Variants in DHRS12 observed in about 807,000 individuals in gnomAD.
DHRS12 encodes dehydrogenase/reductase SDR family member 12.
A neutral mutation model predicts 32.1 loss-of-function variants in DHRS12; 29 were observed. That is an observed-to-expected ratio of 0.90 (90% CI 0.67 to 1.23). The LOEUF is 1.23. DHRS12 is among the 50% of genes most tolerant of loss of function. The pLI is 0.00. For synonymous variants in DHRS12, 150 were observed against 135.9 expected, an observed-to-expected ratio of 1.10 and a Z score of -0.72; for missense variants, 330 against 337.2, an observed-to-expected ratio of 0.98 and a Z score of 0.17.
Position 51,791,148 on chromosome 13 carries a change from A to G in DHRS12, c.219+17T>C, listed in dbSNP as rs750642401. ...GCCAACATGAATTTATTCTCCACTT[A>G]TGTTTACAAAGCTCACCAGAACATG... On this transcript the variant is annotated intron_variant, in intron 3 of 8. Coordinates refer to ENST00000444610, the MANE Select transcript of DHRS12 (RefSeq NM_001377533.1). 2 of 1,517,568 alleles carry G rather than the reference A, an allele frequency of 1.3e-6. No homozygotes were observed. Among genetic ancestry groups the G allele is most frequent in the Non-Finnish European group, 1.8e-6 (2 of 1,121,470 alleles). 94.0% of individuals were successfully genotyped at this position (1,517,568 alleles called of 1,614,324 possible). A position where few individuals can be genotyped will look rare whatever the true frequency, so the allele number is the denominator to read the frequency against.
intron 8 of DHRS12, chr13:51,768,569 G>C: frequency 7.6e-7 from 1 of 1,321,676 alleles, no homozygotes; most frequent in Non-Finnish European, 9.7e-7. Flanking sequence ...CATCCTCCCG[G>C]ATACCCCAGG....
chr13:51,779,405 G>T (rs1954599945), intron 4 of DHRS12, among the ~76,000 whole-genome samples: 2 of 152,314 alleles, frequency 1.3e-5, no homozygotes, highest in South Asian at 4.1e-4. Flanking sequence ...CCTGGGCCAG[G>T]TGCTGCATTT....
At chr13:51,775,885 G>C (rs1954327285) in intron 5 of DHRS12, 1 of 143,480 alleles carries the variant, frequency 7.0e-6, no homozygotes, top group Non-Finnish European at 1.5e-5. Context: ...TCTCCTACAT[G>C]TATTCTACAG....
chr13:51,779,413 T>G (rs545028667), intron 4 of DHRS12, among the ~76,000 whole-genome samples: 4 of 152,268 alleles, frequency 2.6e-5, no homozygotes, highest in African/African-American at 7.2e-5. Context: ...AGGTGCTGCA[T>G]TTGTCCCATG....
chr13:51,769,124 T>C (rs1405664777), intron 8 of DHRS12, 32 bp downstream of exon 8: 2 of 1,548,572 alleles, frequency 1.3e-6, no homozygotes, highest in South Asian at 2.4e-5. Flanking sequence ...TAGCCCTGTG[T>C]CAGCTGCCTT....
intron 1 of DHRS12, among the ~76,000 whole-genome samples, chr13:51,800,740 TGG>T (rs1955716715): frequency 6.6e-6 from 1 of 152,268 alleles, no homozygotes; most frequent in Non-Finnish European, 1.5e-5. Flanking sequence ...TTTATGAGCT[TGG>T]GTTTGGTTTG....
downstream of DHRS12, chr13:51,767,124 T>C (rs534523728): frequency 3.3e-5 from 5 of 152,376 alleles, no homozygotes; most frequent in Admixed American, 6.5e-5. Flanking sequence ...TTAAAACTTG[T>C]GAGGTTCATT....
At chr13:51,799,907 C>T (rs955024062) in intron 1 of DHRS12, among the ~76,000 whole-genome samples, 5 of 152,156 alleles carry the variant, frequency 3.3e-5, no homozygotes, top group African/African-American at 1.2e-4. Context: ...AACATTTTGG[C>T]ATCCAAATTG....
In DHRS12 at chr13:51,799,538, C is replaced by G; in HGVS notation, c.122G>C (p.Ser41Thr). Residue 41 changes from serine to threonine, a missense_variant, in exon 2 of 9, where the codon AGC becomes ACC. Ser to Thr is a moderately conservative substitution (Grantham distance 58). Transcript: ENST00000444610. ...LAKQLPLKSP[S>T]ENIFLHIVDL... ...CACGTGTTAGCAGCTGCTTACCTCG[C>G]TTGGCGATTTCAAGGGCAGTTGCTT... 6.2e-7 allele frequency: 1 copy of G among 1,613,438 alleles called. No individual in the cohort carries two copies. Among genetic ancestry groups the G allele is most frequent in the Non-Finnish European group, 8.5e-7 (1 of 1,179,896 alleles).
intron 7 of DHRS12, chr13:51,770,938 G>A: frequency 7.8e-7 from 1 of 1,279,692 alleles, no homozygotes; most frequent in Non-Finnish European, 9.9e-7. Context: ...AAGCAACCTT[G>A]TTTTCCCTAT....
chr13:51,771,817 A>G lies in DHRS12; in HGVS notation c.559+4T>C, dbSNP rs899616031. On this transcript the variant is annotated splice_donor_region_variant and intron_variant, in intron 7 of 8. Transcript: ENST00000444610. ...TGGCTCAGCAATTAAAGGCTATGAC[A>G]TACCTGGGGTGTCGGCCCAGCCAGG... The G allele has an allele frequency of 1.4e-5, 22 of 1,613,954 alleles. No homozygotes were observed. The highest frequency in any genetic ancestry group is 1.8e-5 in the Non-Finnish European group (21 of 1,179,990).
the DHRS12 span, chr13:51,762,497 T>C: frequency 2.6e-5 from 4 of 152,254 alleles, no homozygotes; most frequent in African/African-American, 9.6e-5. Context: ...TTTGGTGAAA[T>C]GCGTTTAGCA....
In DHRS12 at chr13:51,770,378, G is replaced by A. The variant is rs1447742319; in HGVS notation, c.560-1085C>T. On this transcript the variant is annotated intron_variant, in intron 7 of 8. Coordinates refer to ENST00000444610, the MANE Select transcript of DHRS12 (RefSeq NM_001377533.1). Reference sequence around the variant, plus strand: ...ACATGGTAAACTGCACCTTGACCCAGATGATAGAGCCCGCTGGTGGGCTTG... The same window carrying A: ...ACATGGTAAACTGCACCTTGACCCAAATGATAGAGCCCGCTGGTGGGCTTG... Among the ~76,000 whole-genome samples the A allele has an allele frequency of 3.9e-5, 6 of 152,196 alleles. No homozygotes were observed. The South Asian group carries it at 6.2e-4, about 16-fold the overall frequency.
In DHRS12 at chr13:51,768,007, GA is replaced by G; in HGVS notation, c.*179del. 7.1e-7 allele frequency: 1 copy of G among 1,415,016 alleles called. No individual in the cohort carries two copies. The highest frequency in any genetic ancestry group is 9.2e-7 in the Non-Finnish European group (1 of 1,088,562). The allele number at this position is 1,415,016 out of a possible 1,614,324, so 87.7% of individuals were successfully genotyped here. ...TGCTGCAGGAGTTCAAGGTGAGCCTGATCACAGCCTCGGTAGTATTTATTTT... is the reference window on the plus strand; with the variant it reads ...TGCTGCAGGAGTTCAAGGTGAGCCTGTCACAGCCTCGGTAGTATTTATTTT... On this transcript the variant is annotated 3_prime_UTR_variant, in exon 9 of 9. Coordinates refer to ENST00000444610, the MANE Select transcript of DHRS12 (RefSeq NM_001377533.1).
chr13:51,792,361 G>A (rs1955313706), intron 2 of DHRS12, among the ~76,000 whole-genome samples: 1 of 152,104 alleles, frequency 6.6e-6, no homozygotes, highest in Admixed American at 6.6e-5. Flanking sequence ...GACATTGAAA[G>A]TATTTTTTCA....
intron 2 of DHRS12, among the ~76,000 whole-genome samples, chr13:51,796,823 C>T (rs774530125): frequency 6.6e-6 from 1 of 152,182 alleles, no homozygotes; most frequent in Non-Finnish European, 1.5e-5. Flanking sequence ...TCACACTTGC[C>T]GCCAGCACTA....
Position 51,799,682 on chromosome 13 carries a change from C to G in DHRS12, c.-8-15G>C, listed in dbSNP as rs750877878. 6.2e-7 allele frequency: 1 copy of G among 1,612,288 alleles called. No individual in the cohort carries two copies. Among genetic ancestry groups the G allele is most frequent in the Non-Finnish European group, 8.5e-7 (1 of 1,179,568 alleles). On this transcript the variant is annotated splice_polypyrimidine_tract_variant and intron_variant, in intron 1 of 8. Coordinates refer to ENST00000444610, the MANE Select transcript of DHRS12 (RefSeq NM_001377533.1). Reference sequence around the variant, plus strand: ...CATAGCCACTCCTAGAAAGAGGAGACCCACAGGAAGACCAGCTGTAAGGAG... The same window carrying G: ...CATAGCCACTCCTAGAAAGAGGAGAGCCACAGGAAGACCAGCTGTAAGGAG...
intron 7 of DHRS12, among the ~76,000 whole-genome samples, chr13:51,769,766 A>G (rs1311369916): frequency 6.6e-6 from 1 of 152,230 alleles, no homozygotes; most frequent in African/African-American, 2.4e-5. Flanking sequence ...GGAGGAGTAG[A>G]TAAGAGGAAA....
At chr13:51,763,078 CTA>C (rs530800039), downstream of DHRS12, 220 of 152,264 alleles carry the variant, frequency 1.4e-3, 1 homozygote, top group African/African-American at 5.1e-3. Context: ...CTTCAGAGAT[CTA>C]GAGTGTTTCA....
Sources: gnomAD v4.1 joint callset for allele counts (sites outside exome capture counted in the v4.1 genomes callset) on GRCh38, gnomAD v4.1.1 for gene constraint, MANE v1.5 for transcripts, NCBI Gene and HGNC (gene_info 2026-07-23, HGNC 2026-07-21) for gene names.